ARHGAP21: variants seen among roughly 807,000 people sequenced by gnomAD.
ARHGAP21 encodes Rho GTPase activating protein 21.
In ARHGAP21, 38 loss-of-function variants were observed where a neutral mutation model predicts 164.6. The ratio of observed to expected loss-of-function variants is 0.23; its 90% CI spans 0.18 to 0.30. ARHGAP21 has a LOEUF of 0.30. Ranked by LOEUF, ARHGAP21 falls within the 10% of genes least tolerant of loss-of-function variation. ARHGAP21 has a pLI of 1.00. For missense variants in ARHGAP21, 1,822 were observed against 2,370.7 expected, an observed-to-expected ratio of 0.77 and a Z score of 4.81; for synonymous variants, 766 against 857.9, an observed-to-expected ratio of 0.89 and a Z score of 1.87.
chr10:24,659,732 G>A (rs897876495), intron 4 of ARHGAP21, among the ~76,000 whole-genome samples: 1 of 152,064 alleles, frequency 6.6e-6, no homozygotes, highest in Non-Finnish European at 1.5e-5. Context: ...TCAACCTCCT[G>A]GCCTCAAGCT....
intron 2 of ARHGAP21, among the ~76,000 whole-genome samples, chr10:24,697,181 G>A (rs990855159): frequency 1.3e-5 from 2 of 152,116 alleles, no homozygotes; most frequent in South Asian, 2.1e-4. Context: ...CCCAGATGGG[G>A]CAAAACTCAT....
chr10:24,670,481 A>C, intron 2 of ARHGAP21, 84 bp from the exon 3 acceptor site: 1 of 891,566 alleles, frequency 1.1e-6, no homozygotes, highest in Non-Finnish European at 1.6e-6. Context: ...AAATGTTAAT[A>C]CCTGAGCGCC....
intron 8 of ARHGAP21, among the ~76,000 whole-genome samples, chr10:24,622,225 C>T (rs1834610344): frequency 6.6e-6 from 1 of 151,536 alleles, no homozygotes. Context: ...AGAGACTTTA[C>T]AAAACAGAGC....
intron 3 of ARHGAP21, among the ~76,000 whole-genome samples, chr10:24,669,746 G>A (rs1840522340): frequency 6.6e-6 from 1 of 152,158 alleles, no homozygotes; most frequent in African/African-American, 2.4e-5. Context: ...GAAGCCTGTC[G>A]ATGTAATTCA....
intron 5 of ARHGAP21, among the ~76,000 whole-genome samples, chr10:24,634,658 G>C (rs1226203080): frequency 6.6e-6 from 1 of 152,132 alleles, no homozygotes; most frequent in Non-Finnish European, 1.5e-5. Context: ...GAAAATCCAA[G>C]ATTATTTCAC....
Position 24,591,217 on chromosome 10 carries a change from A to G in ARHGAP21, c.4150+8T>C. 1.3e-6 allele frequency: 2 copies of G among 1,597,578 alleles called. No individual in the cohort carries two copies. The highest frequency in any genetic ancestry group is 8.6e-7 in the Non-Finnish European group (1 of 1,167,388). On this transcript the variant is annotated splice_region_variant and intron_variant, in intron 24 of 25. Transcript: ENST00000396432. ...CCTAGAGGTCAAGACTGCCCAGGCAAGAGTTACCTGATACATCTCCTGGGG... is the reference window on the plus strand; with the variant it reads ...CCTAGAGGTCAAGACTGCCCAGGCAGGAGTTACCTGATACATCTCCTGGGG...
chr10:24,609,651 G>A lies in ARHGAP21; in HGVS notation c.2423-1748C>T, dbSNP rs145474148. Among the ~76,000 whole-genome samples, 231 of 152,182 alleles carry A rather than the reference G, an allele frequency of 1.5e-3. 5 individuals carry two copies. In the East Asian group the frequency reaches 0.038, roughly 25 times the overall value. ...TCTTGATTCCCTTTGAAAATATAAA[G>A]ACTTTTCTACCGGTTTAAAAATACT... On this transcript the variant is annotated intron_variant, in intron 9 of 25. Transcript: ENST00000396432.
chr10:24,615,560 G>A (rs978689363), intron 9 of ARHGAP21, among the ~76,000 whole-genome samples: 1 of 152,124 alleles, frequency 6.6e-6, no homozygotes, highest in African/African-American at 2.4e-5. Context: ...TGCTCATTTT[G>A]AGGCACTGTC....
Position 24,620,071 on chromosome 10 carries a change from A to T in ARHGAP21, c.1824T>A (p.Pro608=). 6.2e-7 allele frequency: 1 copy of T among 1,613,942 alleles called. No homozygotes were observed. Among genetic ancestry groups the T allele is most frequent in the Non-Finnish European group, 8.5e-7 (1 of 1,179,870 alleles). Residue 608 remains proline (P), a synonymous_variant, in exon 9 of 26, where the codon CCT becomes CCA. Transcript: ENST00000396432. Reference sequence around the variant, plus strand: ...GTGACCTGTCTTGTGAAATACCCCGAGGCAGTGACATTCCACAAGTAGTCT... The same window carrying T: ...GTGACCTGTCTTGTGAAATACCCCGTGGCAGTGACATTCCACAAGTAGTCT... ...NFQTTCGMSL[P]RGISQDRSPL...
rs1265680961 is a variant in ARHGAP21, at chr10:24,630,007, T to C, written c.484A>G (p.Ile162Val). Residue 162 changes from isoleucine to valine, a missense_variant, in exon 7 of 26, where the codon ATT (isoleucine) becomes GTT (valine). Coordinates refer to ENST00000396432, the MANE Select transcript of ARHGAP21 (RefSeq NM_020824.4). ...ELSVMPKDEDILQVLQFTKDV... is the reference protein window; with the variant it reads ...ELSVMPKDEDVLQVLQFTKDV... Reference sequence around the variant, plus strand: ...TAAATAAAACTTACCACTTGGAGAATGTCTTCATCTTTTGGCATAACACTA... The same window carrying C: ...TAAATAAAACTTACCACTTGGAGAACGTCTTCATCTTTTGGCATAACACTA... The C allele has an allele frequency of 6.4e-7, 1 of 1,570,562 alleles. No homozygotes were observed. Among genetic ancestry groups the C allele is most frequent in the East Asian group, 2.2e-5 (1 of 44,506 alleles).
rs1437496717 is a variant in ARHGAP21 at position 24,625,056 on chromosome 10, G to A, written c.496-2294C>T. Among the ~76,000 whole-genome samples the A allele has an allele frequency of 2.5e-5, 2 of 81,170 alleles. 1 individual carries two copies. The highest frequency in any genetic ancestry group is 1.1e-4 in the African/African-American group (2 of 17,956). The allele number at this position is 81,170 out of a possible 152,430, so 53.3% of individuals were successfully genotyped here. On this transcript the variant is annotated intron_variant, in intron 7 of 25. Transcript: ENST00000396432. The stretch of plus-strand genomic sequence containing the variant: ...TACAAAAAGCTCTAAAAAGTGGGGG[G>A]GGGGGGGGAGGAGGAGGAGGAAGAA...
In ARHGAP21 at chr10:24,600,813, T is replaced by C; in HGVS notation, c.2965A>G (p.Ile989Val). The C allele has an allele frequency of 6.2e-7, 1 of 1,614,204 alleles. No individual in the cohort carries two copies. Among genetic ancestry groups the C allele is most frequent in the South Asian group, 1.1e-5 (1 of 91,090 alleles). ...QTTPSEEEQP[I>V]SVNACLIDIS... is the part of the protein sequence containing the mutation. ...TCTATCAAGCAAGCATTAACACTGATGGGCTGCTCTTCCTCAGACGGAGTC... is the reference window on the plus strand; with the variant it reads ...TCTATCAAGCAAGCATTAACACTGACGGGCTGCTCTTCCTCAGACGGAGTC... Residue 989 changes from isoleucine (I) to valine (V), a missense_variant, in exon 14 of 26, where the codon ATC (isoleucine) becomes GTC (valine). By Grantham distance (29) the Ile-to-Val change is conservative (BLOSUM62 3). Around this residue, in one of 5 missense-constraint regions of ARHGAP21, gnomAD observed 1,090 missense variants for 1,378.9 expected, o/e 0.79. Coordinates refer to ENST00000396432, the MANE Select transcript of ARHGAP21 (RefSeq NM_020824.4).
chr10:24,642,378 G>A (rs1837139375), intron 4 of ARHGAP21, among the ~76,000 whole-genome samples: 1 of 151,882 alleles, frequency 6.6e-6, no homozygotes, highest in East Asian at 1.9e-4. Flanking sequence ...AGCCGGGCGT[G>A]GTAGCGGGCG....
chr10:24,676,040 T>C (rs141610546), intron 2 of ARHGAP21, among the ~76,000 whole-genome samples: 162 of 152,054 alleles, frequency 1.1e-3, no homozygotes, highest in African/African-American at 3.1e-3. Flanking sequence ...CCCAGCTACT[T>C]GAGAGGCTGA....
At chr10:24,689,219 AC>A (rs1253369119) in intron 2 of ARHGAP21, among the ~76,000 whole-genome samples, 1 of 152,110 alleles carries the variant, frequency 6.6e-6, no homozygotes, top group African/African-American at 2.4e-5. Flanking sequence ...TTTCCACCAT[AC>A]CACTAACAAA....
intron 4 of ARHGAP21, chr10:24,648,968 T>C: frequency 1.7e-6 from 1 of 600,136 alleles, no homozygotes; most frequent in Non-Finnish European, 2.1e-6. Flanking sequence ...ATTTTGAAAT[T>C]AACTTGTTAC....
At chr10:24,685,813 T>G (rs1006491971) in intron 2 of ARHGAP21, among the ~76,000 whole-genome samples, 1 of 152,048 alleles carries the variant, frequency 6.6e-6, no homozygotes, top group Non-Finnish European at 1.5e-5. Context: ...GAAGTGGAGG[T>G]TGCAGTGAGC....
intron 2 of ARHGAP21, among the ~76,000 whole-genome samples, chr10:24,703,741 C>G (rs1843938490): frequency 1.3e-5 from 2 of 152,144 alleles, no homozygotes; most frequent in African/African-American, 4.8e-5. Flanking sequence ...TTTTCTGCGA[C>G]TTGTTTTCTC....
chr10:24,637,935 G>C (rs1009462622), intron 4 of ARHGAP21, among the ~76,000 whole-genome samples: 2 of 151,166 alleles, frequency 1.3e-5, no homozygotes, highest in East Asian at 3.9e-4. Context: ...TGTGATCTTG[G>C]CTCACTGTAA....
Sources: gnomAD v4.1 joint callset for allele counts (sites outside exome capture counted in the v4.1 genomes callset) on GRCh38, gnomAD v4.1.1 for gene constraint, gnomAD v4.1.1 regional missense constraint, MANE v1.5 for transcripts, NCBI Gene and HGNC (gene_info 2026-07-23, HGNC 2026-07-21) for gene names.